The following JPH3 variants were observed in gnomAD, a reference collection of about 807,000 sequenced individuals.
JPH3 encodes junctophilin 3, also known as junctophilin-3.
In JPH3, 11 loss-of-function variants were observed where a neutral mutation model predicts 59.6. The observed-to-expected ratio is 0.18, with a 90% CI of 0.12 to 0.31. The LOEUF (loss-of-function observed/expected upper bound fraction) is 0.31, where lower values mean the gene tolerates loss of function less well. Ranked by LOEUF, JPH3 falls within the 10% of genes least tolerant of loss-of-function variation. JPH3 has a pLI of 1.00. For synonymous variants in JPH3, 673 were observed against 483.6 expected (o/e 1.39, Z -5.14); for missense variants, 1,202 against 1,105.7 (o/e 1.09, Z -1.24).
chr16:87,658,045 C>G (rs888174239), intron 2 of JPH3, among the ~76,000 whole-genome samples: 1 of 152,162 alleles, frequency 6.6e-6, no homozygotes, highest in Non-Finnish European at 1.5e-5. Context: ...GGGGCCCACA[C>G]CCTGGTCTTC....
chr16:87,667,667 G>T (rs2032906064), intron 2 of JPH3, among the ~76,000 whole-genome samples: 2 of 152,202 alleles, frequency 1.3e-5, no homozygotes, highest in South Asian at 4.1e-4. Flanking sequence ...TCTGGGCCTT[G>T]AAGATGAAGG....
chr16:87,648,562 G>A (rs2032228951), intron 2 of JPH3, among the ~76,000 whole-genome samples: 1 of 152,176 alleles, frequency 6.6e-6, no homozygotes, highest in Non-Finnish European at 1.5e-5. Flanking sequence ...GAGCAGCTCT[G>A]CAGGGAAGGG....
intron 2 of JPH3, among the ~76,000 whole-genome samples, chr16:87,666,542 C>T (rs1405909981): frequency 1.3e-5 from 2 of 152,068 alleles, no homozygotes; most frequent in Non-Finnish European, 2.9e-5. Context: ...CAGGTGTGCA[C>T]CACCATGCCT....
intron 1 of JPH3, among the ~76,000 whole-genome samples, chr16:87,636,802 G>A (rs540224379): frequency 3.9e-5 from 6 of 152,370 alleles, no homozygotes; most frequent in Middle Eastern, 3.4e-3. Flanking sequence ...CCAGAGCTCC[G>A]TCAGTTCATG....
intron 2 of JPH3, among the ~76,000 whole-genome samples, chr16:87,665,495 G>A (rs1404460348): frequency 6.6e-6 from 1 of 152,208 alleles, no homozygotes. Flanking sequence ...GAGCTCTGAG[G>A]GAACAACCTC....
At chr16:87,649,926 G>T (rs902676164) in intron 2 of JPH3, among the ~76,000 whole-genome samples, 4 of 152,222 alleles carry the variant, frequency 2.6e-5, no homozygotes, top group Non-Finnish European at 4.4e-5. Flanking sequence ...TGTTTCTGCT[G>T]GGACCCCCTC....
intron 2 of JPH3, among the ~76,000 whole-genome samples, chr16:87,669,806 TGCAG>T (rs781060187): frequency 1.5e-4 from 23 of 152,016 alleles, no homozygotes; most frequent in Non-Finnish European, 2.9e-4. Context: ...GAGTGCGGCC[TGCAG>T]GCAGCCAGTG....
chr16:87,621,629 A>T (rs1206422181), intron 1 of JPH3, among the ~76,000 whole-genome samples: 1 of 152,180 alleles, frequency 6.6e-6, no homozygotes, highest in Non-Finnish European at 1.5e-5. Flanking sequence ...CAGACGGTGG[A>T]TGCAGGCAGC....
intron 2 of JPH3, among the ~76,000 whole-genome samples, chr16:87,680,852 G>C (rs1012988519): frequency 1.3e-5 from 2 of 152,192 alleles, no homozygotes; most frequent in East Asian, 1.9e-4. Flanking sequence ...ACGTGTGAAC[G>C]TATATATGTA....
rs533830607 is a variant in JPH3 at position 87,639,883 on chromosome 16, G to A, written c.383-4375G>A. Among the ~76,000 whole-genome samples, 16 of 152,318 alleles carry A rather than the reference G, an allele frequency of 1.1e-4. No individual in the cohort carries two copies. The South Asian group carries it at 2.7e-3, about 26-fold the overall frequency. On this transcript the variant is annotated intron_variant, in intron 1 of 4. Transcript: ENST00000284262. ...CTGAGGAATATTCCACTGCATGGGG[G>A]GACCACGTCATTTTATCCCCGATGC...
intron 2 of JPH3, among the ~76,000 whole-genome samples, chr16:87,656,386 C>T (rs1165426493): frequency 1.3e-5 from 2 of 152,188 alleles, no homozygotes; most frequent in Non-Finnish European, 2.9e-5. Flanking sequence ...AGTGGCCAGT[C>T]CATGGCATTT....
chr16:87,679,855 C>T (rs1484487629), intron 2 of JPH3, among the ~76,000 whole-genome samples: 1 of 152,250 alleles, frequency 6.6e-6, no homozygotes, highest in Non-Finnish European at 1.5e-5. Context: ...GCCCATGGCC[C>T]TTCAGAGGCC....
Position 87,644,900 on chromosome 16 carries a change from T to C in JPH3, c.1025T>C (p.Ile342Thr). ...GAGGAGGGCAAGTACAAGCAGAACA[T>C]CCTCGTCGGCGGCAAGCGCAAGAAC... Reference protein sequence around the residue: ...TKEEGKYKQNILVGGKRKNLI... With the variant: ...TKEEGKYKQNTLVGGKRKNLI... The change falls in exon 2 of 5, where the codon ATC (isoleucine) becomes ACC (threonine). Residue 342 changes from isoleucine to threonine, a missense_variant. Transcript: ENST00000284262. The C allele has an allele frequency of 6.2e-7, 1 of 1,613,046 alleles. No individual in the cohort carries two copies. Among genetic ancestry groups the C allele is most frequent in the Non-Finnish European group, 8.5e-7 (1 of 1,179,902 alleles).
At position 87,644,990 on chromosome 16, in the gene JPH3, G is replaced by A. The variant is rs200634233; in HGVS notation, c.1115G>A (p.Arg372Gln). ...KVDRAVEAAERAATIAKQKAE... is the reference protein window; with the variant it reads ...KVDRAVEAAEQAATIAKQKAE... Reference sequence around the variant, plus strand: ...GACCGCGCCGTTGAGGCCGCTGAGCGGGCCGCCACCATCGCCAAGCAGAAG... The same window carrying A: ...GACCGCGCCGTTGAGGCCGCTGAGCAGGCCGCCACCATCGCCAAGCAGAAG... The change falls in exon 2 of 5, where the codon CGG (arginine) becomes CAG (glutamine). Residue 372 changes from arginine to glutamine, a missense_variant. By Grantham distance (43) the Arg-to-Gln change is conservative. Transcript: ENST00000284262. 75 of 1,608,334 alleles carry A rather than the reference G, an allele frequency of 4.7e-5. No individual in the cohort carries two copies. Among genetic ancestry groups the A allele is most frequent in the Middle Eastern group, 1.7e-4 (1 of 6,006 alleles).
intron 2 of JPH3, among the ~76,000 whole-genome samples, chr16:87,678,394 C>G (rs1301477109): frequency 1.3e-5 from 2 of 152,054 alleles, no homozygotes; most frequent in East Asian, 1.9e-4. Context: ...GAAAAATTAG[C>G]CGGGCTTGGT....
At chr16:87,652,512 G>A (rs1042289504) in intron 2 of JPH3, among the ~76,000 whole-genome samples, 3 of 152,184 alleles carry the variant, frequency 2.0e-5, no homozygotes, top group Admixed American at 6.5e-5. Context: ...CGTCCAGGCC[G>A]GAGCGCAGTG....
Position 87,689,925 on chromosome 16 carries a change from G to A in JPH3, c.1565G>A (p.Arg522Gln), listed in dbSNP as rs748590824. 5 of 1,452,330 alleles carry A rather than the reference G, an allele frequency of 3.4e-6. No individual in the cohort carries two copies. Among genetic ancestry groups the A allele is most frequent in the South Asian group, 2.9e-5 (2 of 69,264 alleles). The allele number at this position is 1,452,330 out of a possible 1,614,324, so 90.0% of individuals were successfully genotyped here. ...GGDIQMLLEG[R>Q]AGDCARSSWG... ...GACATCCAGATGCTCCTGGAGGGCC[G>A]GGCCGGGGACTGCGCCCGCAGCAGC... The change falls in exon 4 of 5, where the codon CGG becomes CAG. Residue 522 changes from arginine to glutamine, a missense_variant. Transcript: ENST00000284262.
At chr16:87,693,975 C>G (rs561698801) in intron 4 of JPH3, 1 of 152,270 alleles carries the variant, frequency 6.6e-6, no homozygotes, top group Non-Finnish European at 1.5e-5. Flanking sequence ...TTGAGCCCAC[C>G]GTGCCGAGTG....
At chr16:87,659,045 C>T (rs2032608377) in intron 2 of JPH3, among the ~76,000 whole-genome samples, 1 of 152,218 alleles carries the variant, frequency 6.6e-6, no homozygotes, top group Non-Finnish European at 1.5e-5. Context: ...CAGCGAAAGC[C>T]ATGCAGCCTG....
Sources: gnomAD v4.1 joint callset for allele counts (sites outside exome capture counted in the v4.1 genomes callset) on GRCh38, gnomAD v4.1.1 for gene constraint, MANE v1.5 for transcripts, NCBI Gene and HGNC (gene_info 2026-07-23, HGNC 2026-07-21) for gene names.